The following NALF1 variants were observed in gnomAD, a reference collection of about 807,000 sequenced individuals.
NALF1 encodes NALCN channel auxiliary factor 1, also known as family with sequence similarity 155 member A.
NALF1 carries 3 observed loss-of-function variants against 48.4 expected under a neutral mutation model. The ratio of observed to expected loss-of-function variants is 0.06; its 90% CI spans 0.03 to 0.16. NALF1 has a LOEUF of 0.16. NALF1 is among the 10% of genes least tolerant of loss of function. The probability of loss-of-function intolerance (pLI) is 1.00; values close to 1 mark genes in which losing one functional copy is unlikely to be tolerated. For synonymous variants in NALF1, 262 were observed against 245.7 expected, an observed-to-expected ratio of 1.07 and a Z score of -0.62; for missense variants, 526 against 571.5, an observed-to-expected ratio of 0.92 and a Z score of 0.81.
chr13:107,346,106 C>T (rs932355898), intron 1 of NALF1, among the ~76,000 whole-genome samples: 4 of 151,980 alleles, frequency 2.6e-5, no homozygotes, highest in Middle Eastern at 6.8e-3. Flanking sequence ...CAAAACAGAA[C>T]AGAAAATAAC....
At chr13:107,778,021 T>C (rs1877787171) in intron 1 of NALF1, among the ~76,000 whole-genome samples, 2 of 152,216 alleles carry the variant, frequency 1.3e-5, no homozygotes, top group Admixed American at 6.5e-5. Flanking sequence ...GAATTAAAAA[T>C]ATAATTTAAT....
chr13:107,598,330 G>A (rs1191393708), intron 1 of NALF1, among the ~76,000 whole-genome samples: 5 of 151,902 alleles, frequency 3.3e-5, no homozygotes, highest in South Asian at 2.1e-4. Flanking sequence ...CTTAATACAC[G>A]AGTAGCTCAA....
intron 1 of NALF1, among the ~76,000 whole-genome samples, chr13:107,603,530 C>A: frequency 6.6e-6 from 1 of 151,788 alleles, no homozygotes; most frequent in Non-Finnish European, 1.5e-5. Flanking sequence ...CGAAGTATAT[C>A]AAAACAAAAA....
chr13:107,815,805 A>G (rs973371185), intron 1 of NALF1, among the ~76,000 whole-genome samples: 2 of 152,208 alleles, frequency 1.3e-5, no homozygotes, highest in African/African-American at 4.8e-5. Context: ...TTATTTGGCA[A>G]TAAAAATGAC....
chr13:107,234,959 C>T (rs1012563995), intron 1 of NALF1, among the ~76,000 whole-genome samples: 2 of 152,068 alleles, frequency 1.3e-5, no homozygotes, highest in Non-Finnish European at 2.9e-5. Flanking sequence ...AGCTCCCATG[C>T]CCCACCGCCT....
At chr13:107,210,845 T>C (rs766626942) in intron 1 of NALF1, 90 bp from the exon 2 acceptor site, 28 of 852,546 alleles carry the variant, frequency 3.3e-5, no homozygotes, top group Non-Finnish European at 4.7e-5. Flanking sequence ...CGTGCTGTGG[T>C]TTCAAGTGGA....
At chr13:107,483,956 G>C (rs890870221) in intron 1 of NALF1, among the ~76,000 whole-genome samples, 1 of 151,966 alleles carries the variant, frequency 6.6e-6, no homozygotes, top group Non-Finnish European at 1.5e-5. Context: ...CTAAGGAATA[G>C]TTACTATTGG....
At chr13:107,175,662 T>C (rs1878911540) in intron 2 of NALF1, among the ~76,000 whole-genome samples, 1 of 152,176 alleles carries the variant, frequency 6.6e-6, no homozygotes, top group Non-Finnish European at 1.5e-5. Context: ...AGCAAGGACA[T>C]GCAGCCTTCT....
rs570311372 is a variant in NALF1 at position 107,736,048 on chromosome 13, C to T, written c.915+129634G>A. On this transcript the variant is annotated intron_variant, in intron 1 of 2. Transcript: ENST00000375915. ...TGCTAGACTATAAAGACTTTGAGGGCTAAACCAATAGACATGCGCTGACTG... is the reference window on the plus strand; with the variant it reads ...TGCTAGACTATAAAGACTTTGAGGGTTAAACCAATAGACATGCGCTGACTG... Among the ~76,000 whole-genome samples, 9 of 152,190 alleles carry T rather than the reference C, an allele frequency of 5.9e-5. No individual in the cohort carries two copies. The South Asian group carries it at 1.9e-3, about 32-fold the overall frequency.
chr13:107,523,945 A>G (rs1229770360), intron 1 of NALF1, among the ~76,000 whole-genome samples: 1 of 152,154 alleles, frequency 6.6e-6, no homozygotes. Context: ...TAAATCTACA[A>G]TGGCTATATA....
chr13:107,325,887 TACACACACACACACACACAC>T (rs1555332567), intron 1 of NALF1, among the ~76,000 whole-genome samples: 28 of 58,884 alleles, frequency 4.8e-4, no homozygotes, highest in Middle Eastern at 0.015. Flanking sequence ...TATATATATA[TACACACACACACACACACAC>T]ATATATACAT....
chr13:107,685,454 C>G (rs529033736), intron 1 of NALF1, among the ~76,000 whole-genome samples: 1 of 151,894 alleles, frequency 6.6e-6, no homozygotes, highest in African/African-American at 2.4e-5. Flanking sequence ...TAATTTAACA[C>G]GATTATTGTT....
chr13:107,516,441 A>T (rs1437502579), intron 1 of NALF1, among the ~76,000 whole-genome samples: 3 of 152,158 alleles, frequency 2.0e-5, no homozygotes, highest in African/African-American at 2.4e-5. Flanking sequence ...AAATATAAGC[A>T]CCTACCATGA....
intron 1 of NALF1, among the ~76,000 whole-genome samples, chr13:107,276,003 C>T (rs1485095280): frequency 1.3e-5 from 2 of 152,118 alleles, no homozygotes; most frequent in Non-Finnish European, 2.9e-5. Flanking sequence ...TGTTCTACCA[C>T]GTTGGCCTTT....
At chr13:107,459,825 C>G (rs1884888628) in intron 1 of NALF1, among the ~76,000 whole-genome samples, 1 of 152,130 alleles carries the variant, frequency 6.6e-6, no homozygotes, top group Admixed American at 6.5e-5. Context: ...ACTGCAGCCT[C>G]GACCTCCCAA....
At chr13:107,697,709 T>C (rs1262384347) in intron 1 of NALF1, among the ~76,000 whole-genome samples, 1 of 152,128 alleles carries the variant, frequency 6.6e-6, no homozygotes, top group African/African-American at 2.4e-5. Flanking sequence ...CACACAAATA[T>C]GAAAGTAAAA....
At chr13:107,849,370 C>T (rs1200066015) in intron 1 of NALF1, among the ~76,000 whole-genome samples, 1 of 152,130 alleles carries the variant, frequency 6.6e-6, no homozygotes, top group Non-Finnish European at 1.5e-5. Flanking sequence ...ATAGTTCTCT[C>T]CTCTAAAGTT....
chr13:107,456,627 T>TG (rs2139039484), intron 1 of NALF1, among the ~76,000 whole-genome samples: 1 of 152,328 alleles, frequency 6.6e-6, no homozygotes, highest in South Asian at 2.1e-4. Flanking sequence ...TGATATGTAA[T>TG]GTGCTGCCAA....
intron 1 of NALF1, among the ~76,000 whole-genome samples, chr13:107,344,930 C>T (rs1882746102): frequency 6.6e-6 from 1 of 151,798 alleles, no homozygotes; most frequent in African/African-American, 2.4e-5. Flanking sequence ...CATAAAAATC[C>T]CTAAAGATTC....
Sources: gnomAD v4.1 joint callset for allele counts (sites outside exome capture counted in the v4.1 genomes callset) on GRCh38, gnomAD v4.1.1 for gene constraint, MANE v1.5 for transcripts, NCBI Gene and HGNC (gene_info 2026-07-23, HGNC 2026-07-21) for gene names.